Variants in OSBP observed in about 807,000 individuals in gnomAD.
OSBP encodes the protein oxysterol-binding protein 1.
OSBP carries 32 observed loss-of-function variants against 96.6 expected under a neutral mutation model. That is an observed-to-expected ratio of 0.33 (90% CI 0.25 to 0.45). OSBP has a LOEUF of 0.45. Among genes scored for constraint, OSBP ranks in the 20% least tolerant of loss-of-function variants. The probability of loss-of-function intolerance (pLI) is 1.00; values close to 1 mark genes in which losing one functional copy is unlikely to be tolerated. For missense variants in OSBP, 653 were observed against 1,029.7 expected (o/e 0.63, Z 5.01); for synonymous variants, 369 against 389.6 (o/e 0.95, Z 0.62).
chr11:59,610,418 C>A lies in OSBP; in HGVS notation c.534G>T (p.Leu178=), dbSNP rs1860829998. The part of the protein sequence containing the change: ...ERQRWVTALE[L]AKAKAVKMLA... ...GCATCTTCACAGCTTTGGCCTTGGC[C>A]AGTTCCAGGGCCGTCACCCAGCGCT... Residue 178 remains leucine (L), a synonymous_variant, in exon 2 of 14, where the codon CTG becomes CTT. Transcript: ENST00000263847. The A allele has an allele frequency of 6.2e-7, 1 of 1,613,512 alleles. No homozygotes were observed. The highest frequency in any genetic ancestry group is 1.1e-5 in the South Asian group (1 of 91,068).
intron 3 of OSBP, among the ~76,000 whole-genome samples, chr11:59,602,626 T>C (rs1406244271): frequency 6.6e-6 from 1 of 152,188 alleles, no homozygotes; most frequent in Non-Finnish European, 1.5e-5. Context: ...GCAGCCACAC[T>C]GAACTGCTCA....
At chr11:59,600,409 A>T in intron 7 of OSBP, 87 bp downstream of exon 7, 4 of 1,382,740 alleles carry the variant, frequency 2.9e-6, no homozygotes, top group Non-Finnish European at 4.0e-6. Context: ...ACTGCCGCAC[A>T]AGTGGGTGGG....
rs752931696 is a variant in OSBP at position 59,600,565 on chromosome 11, GT to G, written c.1241del (p.Asn414ThrfsTer10). ...EKRTRIPYKP[N>X]YSLNLWSIMK... The stretch of plus-strand genomic sequence containing the variant: ...TGATGCTCCATAAATTGAGGCTATA[GT>G]TTGGCTTGTATGGTATTCTGGTTCT... On this transcript the variant is annotated frameshift_variant, in exon 7 of 14. Coordinates refer to ENST00000263847, the MANE Select transcript of OSBP (RefSeq NM_002556.3). LOFTEE classifies it high-confidence loss of function. 1 of 1,614,014 alleles carries G rather than the reference GT, an allele frequency of 6.2e-7. No homozygotes were observed. Among genetic ancestry groups the G allele is most frequent in the Non-Finnish European group, 8.5e-7 (1 of 1,179,942 alleles).
intron 9 of OSBP, among the ~76,000 whole-genome samples, chr11:59,583,703 G>C (rs1250767998): frequency 7.0e-6 from 1 of 143,182 alleles, no homozygotes; most frequent in East Asian, 2.0e-4. Flanking sequence ...GAGTGCAGTG[G>C]CACGGTCTCG....
Position 59,576,986 on chromosome 11 carries a change from A to G in OSBP, c.2100T>C (p.Ala700=), listed in dbSNP as rs1291409080. ...AENMYYFSEL[A]LTLNAWESGT... ...CACTTTCCCAAGCATTGAGAGTCAGAGCAAGCTCTGAGAAGTAGTACATGT... is the reference window on the plus strand; with the variant it reads ...CACTTTCCCAAGCATTGAGAGTCAGGGCAAGCTCTGAGAAGTAGTACATGT... The change falls in exon 13 of 14, where the codon GCT becomes GCC. Residue 700 remains alanine, a synonymous_variant. Coordinates refer to ENST00000263847, the MANE Select transcript of OSBP (RefSeq NM_002556.3). The G allele has an allele frequency of 6.2e-7, 1 of 1,614,172 alleles. No homozygotes were observed. The highest frequency in any genetic ancestry group is 8.5e-7 in the Non-Finnish European group (1 of 1,180,032).
chr11:59,615,278 G>A (rs1373542558), intron 1 of OSBP, 25 bp downstream of exon 1: 2 of 1,573,686 alleles, frequency 1.3e-6, no homozygotes, highest in Non-Finnish European at 1.7e-6. Context: ...GGCAAGGTGA[G>A]CGACAGCGCC....
chr11:59,586,169 A>T (rs1860497107), intron 9 of OSBP, among the ~76,000 whole-genome samples: 1 of 150,632 alleles, frequency 6.6e-6, no homozygotes, highest in Non-Finnish European at 1.5e-5. Context: ...TCAATAAAAA[A>T]TAAATAAAGA....
rs142669644 is a variant in OSBP at position 59,585,061 on chromosome 11, G to A, written c.1679-3507C>T. Among the ~76,000 whole-genome samples the A allele has an allele frequency of 5.5e-3, 831 of 151,560 alleles. 4 individuals carry two copies. Among genetic ancestry groups the A allele is most frequent in the East Asian group, 0.031 (157 of 5,144 alleles). On this transcript the variant is annotated intron_variant, in intron 9 of 13. Coordinates refer to ENST00000263847, the MANE Select transcript of OSBP (RefSeq NM_002556.3). ...ACAGCCTCTGCCCGGCCGCCACCCCGTCTGGGAAGTGAGGAGCGTCTCTGC... is the reference window on the plus strand; with the variant it reads ...ACAGCCTCTGCCCGGCCGCCACCCCATCTGGGAAGTGAGGAGCGTCTCTGC...
At position 59,604,938 on chromosome 11, in the gene OSBP, G is replaced by A. The variant is rs373879377; in HGVS notation, c.823-3100C>T. 4.0e-4 allele frequency among the ~76,000 whole-genome samples: 60 copies of A among 151,886 alleles called. 2 individuals are homozygous for A. In the South Asian group the frequency reaches 0.012, roughly 30 times the overall value. On this transcript the variant is annotated intron_variant, in intron 3 of 13. Transcript: ENST00000263847. ...GGAGGCCTAGGCAGGTGGATCACAA[G>A]GTCAGGAGTTCAAGACCAGCCTGGC...
chr11:59,615,275 TGA>T, intron 1 of OSBP, 26 bp downstream of exon 1: 1 of 1,566,162 alleles, frequency 6.4e-7, no homozygotes, highest in Non-Finnish European at 8.7e-7. Context: ...GGAGGCAAGG[TGA>T]GCGACAGCGC....
At chr11:59,590,459 C>T (rs1860564238) in intron 9 of OSBP, among the ~76,000 whole-genome samples, 1 of 152,168 alleles carries the variant, frequency 6.6e-6, no homozygotes, top group African/African-American at 2.4e-5. Context: ...GACAACCCAA[C>T]CTATCTATGC....
chr11:59,580,680 C>CT (rs139935935), intron 10 of OSBP, among the ~76,000 whole-genome samples: 8,573 of 149,468 alleles, frequency 0.057, 289 homozygotes, highest in Non-Finnish European at 0.075. Context: ...TCCCTCCTTT[C>CT]TTTTTTTTTT....
intron 7 of OSBP, 108 bp downstream of exon 7, chr11:59,600,388 C>T: frequency 8.4e-7 from 1 of 1,188,434 alleles, no homozygotes; most frequent in Non-Finnish European, 1.2e-6. Context: ...GTAAAAAAGA[C>T]CATGCCACAA....
intron 9 of OSBP, among the ~76,000 whole-genome samples, chr11:59,586,360 A>C (rs976837332): frequency 1.3e-5 from 2 of 152,182 alleles, no homozygotes; most frequent in Non-Finnish European, 2.9e-5. Flanking sequence ...GAATGAACTT[A>C]ATCAAGGAGG....
chr11:59,613,903 G>T (rs1252706092), intron 1 of OSBP, among the ~76,000 whole-genome samples: 1 of 152,178 alleles, frequency 6.6e-6, no homozygotes, highest in Non-Finnish European at 1.5e-5. Context: ...AGCCAATACA[G>T]TGGAGTTGAT....
At chr11:59,583,719 C>A (rs912941286) in intron 9 of OSBP, among the ~76,000 whole-genome samples, 2 of 143,826 alleles carry the variant, frequency 1.4e-5, no homozygotes, top group Non-Finnish European at 3.0e-5. Flanking sequence ...TCTCGGCTCA[C>A]TGCAGCCTCT....
At chr11:59,602,830 G>A (rs1326237740) in intron 3 of OSBP, among the ~76,000 whole-genome samples, 1 of 152,142 alleles carries the variant, frequency 6.6e-6, no homozygotes, top group East Asian at 1.9e-4. Flanking sequence ...TTGTTACCCA[G>A]ACTAGTATCG....
At chr11:59,583,561 C>A (rs1207788827) in intron 9 of OSBP, among the ~76,000 whole-genome samples, 1 of 151,116 alleles carries the variant, frequency 6.6e-6, no homozygotes, top group Non-Finnish European at 1.5e-5. Context: ...ATGGTCTCCT[C>A]ATGCATTATT....
Position 59,602,769 on chromosome 11 carries a change from G to A in OSBP, c.823-931C>T, listed in dbSNP as rs117244586. Among the ~76,000 whole-genome samples the A allele has an allele frequency of 8.5e-5, 13 of 152,286 alleles. No individual in the cohort carries two copies. The East Asian group carries it at 2.5e-3, about 29-fold the overall frequency. On this transcript the variant is annotated intron_variant, in intron 3 of 13. Coordinates refer to ENST00000263847, the MANE Select transcript of OSBP (RefSeq NM_002556.3). The stretch of plus-strand genomic sequence containing the variant: ...GCTGAGCAGTTGGGACTACAGTTAT[G>A]TACCACCATGGCCGACTAATTTTTG...
Sources: gnomAD v4.1 joint callset for allele counts (sites outside exome capture counted in the v4.1 genomes callset) on GRCh38, gnomAD v4.1.1 for gene constraint, MANE v1.5 for transcripts, NCBI Gene and HGNC (gene_info 2026-07-23, HGNC 2026-07-21) for gene names.